Variants in GPR149 observed in about 807,000 individuals in gnomAD.
GPR149 encodes the protein probable G protein-coupled receptor 149.
Under a neutral mutation model 50.2 loss-of-function variants are expected in GPR149, and 50 were observed. That is an observed-to-expected ratio of 1.00 (90% CI 0.79 to 1.26). The LOEUF is 1.26. Among genes scored for constraint, GPR149 ranks in the 50% most tolerant of loss-of-function variants. GPR149 has a pLI of 0.00. For synonymous variants in GPR149, 405 were observed against 358.2 expected (o/e 1.13, Z -1.48); for missense variants, 983 against 895.4 (o/e 1.10, Z -1.25).
intron 3 of GPR149, among the ~76,000 whole-genome samples, chr3:154,383,053 T>G (rs1209307995): frequency 1.3e-5 from 2 of 152,284 alleles, no homozygotes; most frequent in East Asian, 3.9e-4. Flanking sequence ...ACATAGTGCC[T>G]GTGTCCATTG....
intron 3 of GPR149, among the ~76,000 whole-genome samples, chr3:154,408,311 A>T (rs1205797190): frequency 6.6e-6 from 1 of 152,172 alleles, no homozygotes; most frequent in Non-Finnish European, 1.5e-5. Context: ...ATACCAAGAA[A>T]GCCAAAAGAA....
chr3:154,374,740 T>C (rs1261834383), intron 3 of GPR149, among the ~76,000 whole-genome samples: 1 of 152,164 alleles, frequency 6.6e-6, no homozygotes, highest in East Asian at 1.9e-4. Context: ...CAAGGGAGGA[T>C]TGAAAAGCAG....
At chr3:154,427,458 T>A in intron 2 of GPR149, 58 bp downstream of exon 2, 1 of 1,498,148 alleles carries the variant, frequency 6.7e-7, no homozygotes, top group Non-Finnish European at 9.0e-7. Flanking sequence ...AATAGACCAC[T>A]TTTCTGAAAG....
intron 3 of GPR149, among the ~76,000 whole-genome samples, chr3:154,413,290 A>C (rs1219305624): frequency 1.3e-5 from 2 of 152,142 alleles, no homozygotes; most frequent in Non-Finnish European, 2.9e-5. Flanking sequence ...ACAAAAATAA[A>C]GATAAATAGA....
rs1312297487 is a variant in GPR149, at chr3:154,429,916, C to CA, written c.-302dup. 9.9e-5 allele frequency among the ~76,000 whole-genome samples: 15 copies of CA among 151,356 alleles called. No homozygotes were observed. Among genetic ancestry groups the CA allele is most frequent in the Admixed American group, 6.6e-4 (10 of 15,228 alleles). The stretch of plus-strand genomic sequence containing the variant: ...ACCATCAAGTTTCAGGGAAGAAAGC[C>CA]AAAAAAATAAACAAAACAAAACTCT... On this transcript the variant is annotated 5_prime_UTR_variant, in exon 1 of 4. An upstream open reading frame in the 5' UTR gains an earlier in-frame stop. Coordinates refer to ENST00000389740, the MANE Select transcript of GPR149 (RefSeq NM_001038705.3).
At chr3:154,380,800 C>A (rs1275032565) in intron 3 of GPR149, among the ~76,000 whole-genome samples, 2 of 152,156 alleles carry the variant, frequency 1.3e-5, no homozygotes, top group Non-Finnish European at 2.9e-5. Context: ...AGCTCAGTAT[C>A]TTTTGAGCTA....
intron 3 of GPR149, among the ~76,000 whole-genome samples, chr3:154,365,574 A>AT (rs1159052792): frequency 1.3e-5 from 2 of 152,030 alleles, no homozygotes; most frequent in African/African-American, 4.8e-5. Flanking sequence ...AATCTCGAGC[A>AT]TTTTTTCTCT....
intron 3 of GPR149, among the ~76,000 whole-genome samples, chr3:154,414,609 C>A (rs1711935713): frequency 6.6e-6 from 1 of 151,946 alleles, no homozygotes; most frequent in African/African-American, 2.4e-5. Context: ...ATCTGGCAGA[C>A]ACCAATTTTA....
chr3:154,372,013 T>TA (rs1021097859), intron 3 of GPR149, among the ~76,000 whole-genome samples: 8 of 144,386 alleles, frequency 5.5e-5, no homozygotes, highest in Admixed American at 2.1e-4. Context: ...CTGACTAGCC[T>TA]AAAAAGTTCC....
intron 2 of GPR149, 64 bp from the exon 3 acceptor site, chr3:154,421,551 T>C (rs1417877274): frequency 4.1e-6 from 3 of 738,294 alleles, no homozygotes; most frequent in East Asian, 5.7e-5. Flanking sequence ...ATTGTATATA[T>C]ATAGCAAATA....
Position 154,414,821 on chromosome 3 carries a change from C to T in GPR149, c.1623+6218G>A, listed in dbSNP as rs140456651. ...GGCCAGTAGTCTTCAAAAGAGTAAA[C>T]GTCCTGCGAAACAAAGAAAGACTGA... On this transcript the variant is annotated intron_variant, in intron 3 of 3. Transcript: ENST00000389740. 1.3e-3 allele frequency among the ~76,000 whole-genome samples: 192 copies of T among 151,884 alleles called. 1 individual carries two copies. Among genetic ancestry groups the T allele is most frequent in the African/African-American group, 4.4e-3 (182 of 41,482 alleles).
chr3:154,400,131 C>T (rs927682816), intron 3 of GPR149, among the ~76,000 whole-genome samples: 31 of 151,622 alleles, frequency 2.0e-4, no homozygotes, highest in Admixed American at 9.2e-4. Flanking sequence ...GGACTATAGG[C>T]GCCCGCCACT....
At chr3:154,377,601 C>A (rs1226475498) in intron 3 of GPR149, among the ~76,000 whole-genome samples, 1 of 151,886 alleles carries the variant, frequency 6.6e-6, no homozygotes, top group African/African-American at 2.4e-5. Flanking sequence ...CCTGACCTCA[C>A]GTGATCCCTT....
At chr3:154,426,351 G>A (rs78754333) in intron 2 of GPR149, among the ~76,000 whole-genome samples, 2,007 of 152,208 alleles carry the variant, frequency 0.013, 33 homozygotes, top group African/African-American at 0.046. Context: ...CCAGTTCATG[G>A]CTAATTATAT....
At chr3:154,338,413 TA>T in intron 3 of GPR149, 142 bp from the exon 4 acceptor site, 2 of 674,980 alleles carry the variant, frequency 3.0e-6, no homozygotes, top group South Asian at 4.9e-5. Context: ...ATACGGGATT[TA>T]AATACTGCCA....
At position 154,429,612 on chromosome 3, in the gene GPR149, A is replaced by C. The variant is rs748781827; in HGVS notation, c.4T>G (p.Ser2Ala). 6 of 1,609,520 alleles carry C rather than the reference A, an allele frequency of 3.7e-6. No individual in the cohort carries two copies. Among genetic ancestry groups the C allele is most frequent in the Non-Finnish European group, 5.1e-6 (6 of 1,176,900 alleles). The change falls in exon 1 of 4, where the codon TCT (serine) becomes GCT (alanine). Residue 2 changes from serine (S) to alanine (A), a missense_variant. Physicochemically the swap from Ser to Ala is moderately conservative, Grantham distance 99. Transcript: ENST00000389740. M[S>A]LFLSNLSTND... ...GTTGATAAGTTACTGAGAAATAAAG[A>C]CATTGTCCTTGGTCAATATTTAATT...
At chr3:154,405,205 G>A (rs917994936) in intron 3 of GPR149, among the ~76,000 whole-genome samples, 16 of 152,030 alleles carry the variant, frequency 1.1e-4, no homozygotes, top group South Asian at 1.0e-3. Context: ...TAAAATTTAC[G>A]GGCATAAATC....
chr3:154,390,667 T>G (rs1715147468), intron 3 of GPR149, among the ~76,000 whole-genome samples: 1 of 152,030 alleles, frequency 6.6e-6, no homozygotes, highest in Non-Finnish European at 1.5e-5. Flanking sequence ...AAATAATGAA[T>G]GAAAACTTCC....
At chr3:154,372,871 A>G (rs113453631) in intron 3 of GPR149, among the ~76,000 whole-genome samples, 227 of 152,324 alleles carry the variant, frequency 1.5e-3, no homozygotes, top group African/African-American at 5.0e-3. Flanking sequence ...CAGAGACAGG[A>G]AACACAGAAG....
Sources: gnomAD v4.1 joint callset for allele counts (sites outside exome capture counted in the v4.1 genomes callset) on GRCh38, gnomAD v4.1.1 for gene constraint, MANE v1.5 for transcripts, NCBI Gene and HGNC (gene_info 2026-07-23, HGNC 2026-07-21) for gene names.